The following QRICH1 variants were observed in gnomAD, a reference collection of about 807,000 sequenced individuals.
The protein encoded by QRICH1 is glutamine rich 1, also known as transcriptional regulator QRICH1.
A neutral mutation model predicts 87.1 loss-of-function variants in QRICH1; 16 were observed. The observed-to-expected ratio is 0.18, with a 90% confidence interval of 0.12 to 0.28. The LOEUF is 0.28. Among genes scored for constraint, QRICH1 ranks in the 10% least tolerant of loss-of-function variants. QRICH1 has a pLI of 1.00. For synonymous variants in QRICH1, 367 were observed against 368.4 expected (o/e 1.00, Z 0.05); for missense variants, 647 against 951.7 (o/e 0.68, Z 4.21).
chr3:49,069,104 ATTATTT>A (rs1456349679), intron 2 of QRICH1, among the ~76,000 whole-genome samples: 3 of 103,086 alleles, frequency 2.9e-5, no homozygotes, highest in African/African-American at 4.4e-5. Context: ...TATTATTATT[ATTATTT>A]TTTTTTTTTT....
chr3:49,054,644 C>A (rs1159454117), intron 3 of QRICH1, among the ~76,000 whole-genome samples: 2 of 152,134 alleles, frequency 1.3e-5, no homozygotes, highest in African/African-American at 4.8e-5. Flanking sequence ...GTGGCTCATG[C>A]CTGTAATCCC....
chr3:49,044,534 T>C (rs748589865), intron 5 of QRICH1, 30 bp from the exon 6 acceptor site: 2 of 1,456,826 alleles, frequency 1.4e-6, no homozygotes, highest in South Asian at 2.3e-5. Context: ...TAGAAGTTAT[T>C]GGTAGTCTCC....
rs2106810040 is a variant in QRICH1 at position 49,032,235 on chromosome 3, C to T, written c.2086G>A (p.Glu696Lys). The T allele has an allele frequency of 6.2e-7, 1 of 1,614,002 alleles. No homozygotes were observed. The highest frequency in any genetic ancestry group is 1.1e-5 in the South Asian group (1 of 91,076). ...DMYAEQTENP[E>K]NPLRCPIKLY... ...TTGATGGGACATCTCAATGGATTCT[C>T]TGGATTTTCCGTCTGTTCTGCATAC... Residue 696 changes from glutamate (E) to lysine (K), a missense_variant, in exon 9 of 10, where the codon GAG becomes AAG. Glu to Lys is a moderately conservative substitution (Grantham distance 56, BLOSUM62 1). Around this residue, in one of 7 missense-constraint regions of QRICH1, gnomAD observed 187 missense variants for 309.5 expected, o/e 0.60. Transcript: ENST00000395443.
At chr3:49,056,228 C>A (rs974395496) in intron 3 of QRICH1, among the ~76,000 whole-genome samples, 24 of 152,156 alleles carry the variant, frequency 1.6e-4, no homozygotes, top group African/African-American at 5.8e-4. Flanking sequence ...CCTGCCTCGG[C>A]CTCCCAAAGT....
intron 6 of QRICH1, among the ~76,000 whole-genome samples, chr3:49,037,756 G>C (rs1431503631): frequency 6.6e-6 from 1 of 150,468 alleles, no homozygotes; most frequent in Non-Finnish European, 1.5e-5. Context: ...GGCAGGGGAC[G>C]GGCAGATCAC....
Position 49,047,207 on chromosome 3 carries a change from G to GT in QRICH1, c.1377dup (p.Gln460ThrfsTer21). On this transcript the variant is annotated frameshift_variant, in exon 4 of 10. Transcript: ENST00000395443. LOFTEE classifies it high-confidence loss of function. The stretch of plus-strand genomic sequence containing the variant: ...AGAAGTTCTGGGGAAGGCTGTGGCT[G>GT]TGACTGTGGTTCAACTTCAGCAACC... The GT allele has an allele frequency of 6.2e-7, 1 of 1,614,132 alleles. No homozygotes were observed. The highest frequency in any genetic ancestry group is 8.5e-7 in the Non-Finnish European group (1 of 1,180,008).
intron 5 of QRICH1, among the ~76,000 whole-genome samples, chr3:49,045,388 A>G (rs1177362303): frequency 2.0e-5 from 3 of 149,842 alleles, no homozygotes; most frequent in Admixed American, 6.6e-5. Flanking sequence ...AAGTTTAGGT[A>G]GTAGGATGAA....
At chr3:49,079,484 AAAT>A (rs2042017406) in intron 1 of QRICH1, among the ~76,000 whole-genome samples, 2 of 147,980 alleles carry the variant, frequency 1.4e-5, no homozygotes, top group African/African-American at 4.9e-5. Context: ...ATAAATATAA[AAAT>A]ATTATAATTA....
At chr3:49,058,068 G>A in intron 2 of QRICH1, 178 bp from the exon 3 acceptor site, 1 of 1,103,678 alleles carries the variant, frequency 9.1e-7, no homozygotes, top group South Asian at 1.6e-5. Context: ...TTGTCCAGCA[G>A]CACATTACAA....
intron 2 of QRICH1, among the ~76,000 whole-genome samples, chr3:49,058,760 C>T (rs2093417565): frequency 6.6e-6 from 1 of 151,928 alleles, no homozygotes; most frequent in African/African-American, 2.4e-5. Flanking sequence ...TCCTGAGTAG[C>T]TAGGATTACA....
chr3:49,073,893 C>T (rs1412383858), intron 2 of QRICH1, among the ~76,000 whole-genome samples: 1 of 152,014 alleles, frequency 6.6e-6, no homozygotes, highest in African/African-American at 2.4e-5. Context: ...AAGCAATCCT[C>T]CCACCTCAGC....
At chr3:49,051,590 C>T (rs896759394) in intron 3 of QRICH1, among the ~76,000 whole-genome samples, 3 of 135,976 alleles carry the variant, frequency 2.2e-5, no homozygotes, top group South Asian at 2.8e-4. Flanking sequence ...CTGCGCCCCC[C>T]CCCCCCTCCG....
intron 1 of QRICH1, among the ~76,000 whole-genome samples, chr3:49,089,497 A>G (rs2042231907): frequency 6.6e-6 from 1 of 152,218 alleles, no homozygotes; most frequent in Non-Finnish European, 1.5e-5. Flanking sequence ...TTTACCCATC[A>G]GTATATATGA....
intron 2 of QRICH1, among the ~76,000 whole-genome samples, chr3:49,070,664 G>A (rs1376694225): frequency 6.6e-6 from 1 of 151,698 alleles, no homozygotes; most frequent in Non-Finnish European, 1.5e-5. Flanking sequence ...CAAACTCCTG[G>A]GCTCAAGTCA....
chr3:49,036,956 T>C (rs549022334), intron 6 of QRICH1, among the ~76,000 whole-genome samples: 1 of 150,842 alleles, frequency 6.6e-6, no homozygotes, highest in Non-Finnish European at 1.5e-5. Flanking sequence ...CCCAGCTACA[T>C]GGAGGGCTGA....
At chr3:49,041,618 G>A (rs556747824) in intron 6 of QRICH1, among the ~76,000 whole-genome samples, 34 of 151,872 alleles carry the variant, frequency 2.2e-4, no homozygotes, top group African/African-American at 7.7e-4. Flanking sequence ...GTGAGCCACT[G>A]CAACCAGCTG....
At chr3:49,043,496 CAAAAAAAAAA>C (rs57402124) in intron 6 of QRICH1, among the ~76,000 whole-genome samples, 15,297 of 37,780 alleles carry the variant, frequency 0.4, 2,438 homozygotes, top group East Asian at 0.77. Flanking sequence ...AACTCTGTCT[CAAAAAAAAAA>C]AAAAAAAAAA....
intron 2 of QRICH1, among the ~76,000 whole-genome samples, chr3:49,062,508 G>A (rs1004997108): frequency 2.2e-4 from 33 of 150,464 alleles, no homozygotes; most frequent in African/African-American, 6.3e-4. Flanking sequence ...TTACAGGCAC[G>A]CATCACCATG....
At chr3:49,078,907 G>T (rs979170404) in intron 1 of QRICH1, among the ~76,000 whole-genome samples, 3 of 151,420 alleles carry the variant, frequency 2.0e-5, no homozygotes, top group African/African-American at 4.9e-5. Context: ...GGCCTGGCTG[G>T]TCTCAAACTC....
Sources: gnomAD v4.1 joint callset for allele counts (sites outside exome capture counted in the v4.1 genomes callset) on GRCh38, gnomAD v4.1.1 for gene constraint, gnomAD v4.1.1 regional missense constraint, MANE v1.5 for transcripts, NCBI Gene and HGNC (gene_info 2026-07-23, HGNC 2026-07-21) for gene names.